ZNF44: variants seen among roughly 807,000 people sequenced by gnomAD.
The protein encoded by ZNF44 is zinc finger protein 44, also known as gonadotropin inducible transcription repressor-2.
ZNF44 carries 9 observed loss-of-function variants against 11.7 expected under a neutral mutation model. The observed-to-expected ratio is 0.77, with a 90% CI of 0.46 to 1.35. The LOEUF is 1.35. ZNF44 is among the 40% of genes most tolerant of loss of function. ZNF44 has a pLI of 0.00. For synonymous variants in ZNF44, 224 were observed against 242.7 expected (o/e 0.92, Z 0.72); for missense variants, 696 against 743.1 (o/e 0.94, Z 0.74).
chr19:12,292,485 T>C (rs1004510268), intron 1 of ZNF44, among the ~76,000 whole-genome samples: 5 of 152,092 alleles, frequency 3.3e-5, no homozygotes, highest in African/African-American at 1.2e-4. Flanking sequence ...TGAACAAATC[T>C]TTTCAGGGTA....
At chr19:12,235,212 AC>A (rs1916335367) in intron 1 of ZNF44, among the ~76,000 whole-genome samples, 1 of 152,132 alleles carries the variant, frequency 6.6e-6, no homozygotes, top group African/African-American at 2.4e-5. Flanking sequence ...TACTAAAAAT[AC>A]AAAAAATTAG....
intron 1 of ZNF44, among the ~76,000 whole-genome samples, chr19:12,276,519 C>T (rs1314626163): frequency 1.3e-5 from 2 of 152,098 alleles, no homozygotes; most frequent in African/African-American, 4.8e-5. Flanking sequence ...GGGAGGGCCC[C>T]GTAAGCATAA....
chr19:12,266,212 G>A (rs2145711952), intron 5 of ZNF44: 3 of 980,168 alleles, frequency 3.1e-6, no homozygotes, highest in Non-Finnish European at 3.6e-6. Context: ...CCCGGGTCCC[G>A]CCACAGCCGG....
intron 2 of ZNF44, among the ~76,000 whole-genome samples, chr19:12,231,112 C>T (rs1755586896): frequency 6.6e-6 from 1 of 151,762 alleles, no homozygotes; most frequent in Non-Finnish European, 1.5e-5. Flanking sequence ...GATGCTTCTA[C>T]TCGGTCACCC....
intron 3 of ZNF44, among the ~76,000 whole-genome samples, chr19:12,274,755 T>C (rs1967140686): frequency 6.6e-6 from 1 of 152,126 alleles, no homozygotes; most frequent in African/African-American, 2.4e-5. Context: ...AATCTTAATA[T>C]TGTTTCCATG....
Position 12,250,656 on chromosome 19 carries a change from A to T in ZNF44, c.1913-288T>A, listed in dbSNP as rs1376960496. ...ATGCTGTACAAAAAAATTCCATTTT[A>T]AGACCATCAATTCTTTGTGAGAAAA... is the stretch of plus-strand genomic sequence containing the variant. On this transcript the variant is annotated intron_variant and NMD_transcript_variant, in intron 5 of 7. Coordinates refer to the ZNF44 transcript ENST00000393337. 4 of 408,158 alleles carry T rather than the reference A, an allele frequency of 9.8e-6. No homozygotes were observed. In the East Asian group the frequency reaches 2.9e-4, roughly 29 times the overall value. The allele number at this position is 408,158 out of a possible 1,614,324, so 25.3% of individuals were successfully genotyped here.
upstream of ZNF44, among the ~76,000 whole-genome samples, chr19:12,241,772 GTT>G (rs1176323472): frequency 6.6e-6 from 1 of 152,168 alleles, no homozygotes; most frequent in Non-Finnish European, 1.5e-5. Context: ...AGTCAAAAGA[GTT>G]TTGTGGAAAC....
chr19:12,260,669 C>T, intron 5 of ZNF44: 1 of 590,554 alleles, frequency 1.7e-6, no homozygotes. Flanking sequence ...GGATGTAAAC[C>T]CAGGACCACT....
intron 5 of ZNF44, among the ~76,000 whole-genome samples, chr19:12,258,535 A>C (rs570928861): frequency 6.6e-6 from 1 of 152,128 alleles, no homozygotes; most frequent in East Asian, 1.9e-4. Context: ...CCAAATACCT[A>C]ATTTGAATTT....
chr19:12,272,837 T>TC lies in ZNF44; in HGVS notation c.1417dup (p.Glu473GlyfsTer5), dbSNP rs1967014026. 1 of 1,614,072 alleles carries TC rather than the reference T, an allele frequency of 6.2e-7. No individual in the cohort carries two copies. Among genetic ancestry groups the TC allele is most frequent in the South Asian group, 1.1e-5 (1 of 91,082 alleles). ...ACACTCCTTACATTCATAAGGCTCC[T>TC]CTTCACTGTGTGTTGTTTCATGACT... On this transcript the variant is annotated frameshift_variant, in exon 4 of 4. Coordinates refer to ENST00000355684, the MANE Select transcript of ZNF44 (RefSeq NM_016264.4). LOFTEE classifies it low-confidence loss of function (END_TRUNC).
At chr19:12,246,325 C>CAA (rs2145687015), downstream of ZNF44, among the ~76,000 whole-genome samples, 1 of 152,156 alleles carries the variant, frequency 6.6e-6, no homozygotes, top group South Asian at 2.1e-4. Flanking sequence ...AGAAAAAGAG[C>CAA]AAAATATGGA....
chr19:12,225,452 C>T (rs1043837764), downstream of ZNF44, among the ~76,000 whole-genome samples: 21 of 151,954 alleles, frequency 1.4e-4, no homozygotes, highest in Non-Finnish European at 1.8e-4. Flanking sequence ...TTTTTAATAG[C>T]GCTTTTTACT....
upstream of ZNF44, among the ~76,000 whole-genome samples, chr19:12,242,078 AT>A (rs538331023): frequency 4.0e-5 from 6 of 151,526 alleles, no homozygotes; most frequent in African/African-American, 1.2e-4. Context: ...ATGGGTACCA[AT>A]TTTTTTTTGG....
intron 5 of ZNF44, among the ~76,000 whole-genome samples, chr19:12,262,942 T>C (rs1917572045): frequency 6.6e-6 from 1 of 152,134 alleles, no homozygotes; most frequent in African/African-American, 2.4e-5. Context: ...CAATTCAGAA[T>C]TGTAAAATCC....
chr19:12,293,268 C>A (rs904522748), intron 1 of ZNF44: 6 of 1,536,910 alleles, frequency 3.9e-6, no homozygotes, highest in African/African-American at 1.4e-5. Flanking sequence ...ACACCTCAGG[C>A]TGTCCTCTGG....
intron 1 of ZNF44, among the ~76,000 whole-genome samples, chr19:12,294,355 C>G (rs1020637980): frequency 4.6e-5 from 7 of 152,258 alleles, no homozygotes; most frequent in Non-Finnish European, 1.0e-4. Context: ...CTGCAGCCCT[C>G]GGCGTCCGGG....
chr19:12,247,475 A>G (rs45558736), downstream of ZNF44: 6,270 of 1,339,238 alleles, frequency 4.7e-3, 21 homozygotes, highest in Non-Finnish European at 5.5e-3. Context: ...GTTCATGTAT[A>G]TGAATATAAC....
intron 5 of ZNF44, among the ~76,000 whole-genome samples, chr19:12,263,274 C>T (rs1161692700): frequency 6.6e-6 from 1 of 151,838 alleles, no homozygotes; most frequent in African/African-American, 2.4e-5. Flanking sequence ...TTAGTAGAGA[C>T]GGGGTTTCTC....
chr19:12,283,454 GA>G, intron 1 of ZNF44, among the ~76,000 whole-genome samples: 1 of 152,082 alleles, frequency 6.6e-6, no homozygotes, highest in South Asian at 2.1e-4. Context: ...TCAGCCTCCT[GA>G]GTAGCTGGGA....
Sources: gnomAD v4.1 joint callset for allele counts (sites outside exome capture counted in the v4.1 genomes callset) on GRCh38, gnomAD v4.1.1 for gene constraint, MANE v1.5 for transcripts, NCBI Gene and HGNC (gene_info 2026-07-23, HGNC 2026-07-21) for gene names.